NARS2: variants seen among roughly 807,000 people sequenced by gnomAD.
NARS2 encodes asparaginyl-tRNA synthetase 2, mitochondrial.
Under a neutral mutation model 62.9 loss-of-function variants are expected in NARS2, and 60 were observed. That is an observed-to-expected ratio of 0.95 (90% CI 0.77 to 1.18). NARS2 has a LOEUF of 1.18. NARS2 is among the 50% of genes most tolerant of loss of function. The pLI is 0.00. For missense variants in NARS2, 619 were observed against 576.4 expected, an observed-to-expected ratio of 1.07 and a Z score of -0.76; for synonymous variants, 196 against 200.0, an observed-to-expected ratio of 0.98 and a Z score of 0.17.
chr11:78,485,900 G>T (rs920073796), intron 7 of NARS2, among the ~76,000 whole-genome samples: 1 of 152,132 alleles, frequency 6.6e-6, no homozygotes, highest in African/African-American at 2.4e-5. Flanking sequence ...TTGAGACGGA[G>T]TCTTGCTCTT....
At chr11:78,475,090 C>T (rs980548802) in intron 9 of NARS2, among the ~76,000 whole-genome samples, 16 of 151,806 alleles carry the variant, frequency 1.1e-4, no homozygotes, top group East Asian at 7.7e-4. Flanking sequence ...AACCCCTCAC[C>T]GGCCACTGGT....
intron 2 of NARS2, among the ~76,000 whole-genome samples, chr11:78,570,266 T>C (rs1187721126): frequency 6.6e-6 from 1 of 152,224 alleles, no homozygotes; most frequent in Admixed American, 6.5e-5. Flanking sequence ...CTCTGATCCA[T>C]GAACCTATTC....
intron 11 of NARS2, among the ~76,000 whole-genome samples, chr11:78,453,342 A>T (rs889226876): frequency 6.6e-6 from 1 of 152,154 alleles, no homozygotes; most frequent in Non-Finnish European, 1.5e-5. Context: ...TGCTGTCTAG[A>T]AATAGTTTGT....
intron 5 of NARS2, among the ~76,000 whole-genome samples, chr11:78,531,408 T>C (rs746267161): frequency 2.0e-5 from 3 of 152,012 alleles, no homozygotes; most frequent in Non-Finnish European, 4.4e-5. Flanking sequence ...AAACTAGAAA[T>C]GTACAATAAG....
intron 5 of NARS2, among the ~76,000 whole-genome samples, chr11:78,555,544 T>G (rs1856320095): frequency 6.6e-6 from 1 of 152,160 alleles, no homozygotes; most frequent in Non-Finnish European, 1.5e-5. Context: ...AACATTCCCT[T>G]TGTCATTTCC....
At chr11:78,458,060 T>C (rs1020517170) in intron 11 of NARS2, among the ~76,000 whole-genome samples, 7 of 152,104 alleles carry the variant, frequency 4.6e-5, no homozygotes, top group African/African-American at 1.4e-4. Flanking sequence ...TGCAGCAATA[T>C]AGGGTGAATA....
intron 9 of NARS2, among the ~76,000 whole-genome samples, chr11:78,477,696 C>T (rs1459166152): frequency 6.6e-6 from 1 of 151,912 alleles, no homozygotes; most frequent in Non-Finnish European, 1.5e-5. Context: ...ATCATATTAC[C>T]CTTCATAATG....
chr11:78,536,565 A>G (rs1261550429), intron 5 of NARS2, among the ~76,000 whole-genome samples: 1 of 152,216 alleles, frequency 6.6e-6, no homozygotes, highest in Non-Finnish European at 1.5e-5. Context: ...AATCTCTAAT[A>G]GAAAAAAGCT....
intron 6 of NARS2, among the ~76,000 whole-genome samples, chr11:78,498,179 A>G (rs1200264923): frequency 7.8e-6 from 1 of 128,366 alleles, no homozygotes; most frequent in Non-Finnish European, 1.9e-5. Context: ...AGCAGGATCA[A>G]TGATAAGAGA....
At chr11:78,500,954 T>C (rs1332176736) in intron 6 of NARS2, among the ~76,000 whole-genome samples, 1 of 152,038 alleles carries the variant, frequency 6.6e-6, no homozygotes, top group Non-Finnish European at 1.5e-5. Flanking sequence ...TAGCCAAGCG[T>C]GGTGGCATGC....
intron 6 of NARS2, among the ~76,000 whole-genome samples, chr11:78,524,433 G>T (rs903006285): frequency 6.6e-6 from 1 of 152,040 alleles, no homozygotes; most frequent in Non-Finnish European, 1.5e-5. Flanking sequence ...CCTAAAATAT[G>T]CTTGACTTCA....
chr11:78,535,007 A>G (rs1015898065), intron 5 of NARS2, among the ~76,000 whole-genome samples: 3 of 152,240 alleles, frequency 2.0e-5, no homozygotes, highest in African/African-American at 7.2e-5. Flanking sequence ...TACACAAGTA[A>G]ACCTGTGGGA....
intron 7 of NARS2, among the ~76,000 whole-genome samples, chr11:78,485,317 A>G (rs532796211): frequency 6.6e-6 from 1 of 152,050 alleles, no homozygotes; most frequent in East Asian, 1.9e-4. Flanking sequence ...ATGGGTTGAT[A>G]GGTGCGGCAA....
intron 11 of NARS2, among the ~76,000 whole-genome samples, chr11:78,447,440 G>A (rs1159099153): frequency 6.6e-6 from 1 of 152,104 alleles, no homozygotes; most frequent in Admixed American, 6.6e-5. Context: ...AAATGGTATG[G>A]AAGTTCCTCA....
chr11:78,458,926 TTTG>T (rs757881976), intron 11 of NARS2, among the ~76,000 whole-genome samples: 40 of 141,732 alleles, frequency 2.8e-4, no homozygotes, highest in Admixed American at 9.0e-4. Flanking sequence ...TGTTTGTTTG[TTTG>T]TTTTTTTGAG....
chr11:78,534,504 G>C (rs1861598440), intron 5 of NARS2, among the ~76,000 whole-genome samples: 2 of 152,174 alleles, frequency 1.3e-5, no homozygotes, highest in Admixed American at 1.3e-4. Flanking sequence ...CATGGGGAAT[G>C]TTCTGTAAGT....
chr11:78,496,387 T>C (rs137937580), intron 6 of NARS2, among the ~76,000 whole-genome samples: 20 of 152,276 alleles, frequency 1.3e-4, no homozygotes, highest in African/African-American at 4.8e-4. Flanking sequence ...CCCTTCATAG[T>C]TAACTCAGTC....
chr11:78,470,504 ACT>A (rs1246481404), intron 9 of NARS2, among the ~76,000 whole-genome samples: 25 of 151,952 alleles, frequency 1.6e-4, no homozygotes, highest in African/African-American at 5.3e-4. Flanking sequence ...TAACATACAC[ACT>A]CTTTCACACC....
At chr11:78,544,838 C>T (rs543865676) in intron 5 of NARS2, among the ~76,000 whole-genome samples, 6 of 146,730 alleles carry the variant, frequency 4.1e-5, no homozygotes, top group South Asian at 4.4e-4. Flanking sequence ...AAATTAGCTG[C>T]GCGTGGTGGT....
Sources: gnomAD v4.1 joint callset for allele counts (sites outside exome capture counted in the v4.1 genomes callset) on GRCh38, gnomAD v4.1.1 for gene constraint, MANE v1.5 for transcripts, NCBI Gene and HGNC (gene_info 2026-07-23, HGNC 2026-07-21) for gene names.